The following DNAH11 variants were observed in gnomAD, a reference collection of about 807,000 sequenced individuals.
DNAH11 encodes the protein axonemal beta dynein heavy chain 11.
Under a neutral mutation model 526.0 loss-of-function variants are expected in DNAH11, and 442 were observed. The ratio of observed to expected loss-of-function variants is 0.84; its 90% CI spans 0.78 to 0.91. The LOEUF (loss-of-function observed/expected upper bound fraction) is 0.91, where lower values mean the gene tolerates loss of function less well. Among genes scored for constraint, DNAH11 ranks in the 40% least tolerant of loss-of-function variants. The pLI is 0.00. For missense variants in DNAH11, 6,989 were observed against 5,448.7 expected, an observed-to-expected ratio of 1.28 and a Z score of -8.90; for synonymous variants, 2,461 against 1,935.9, an observed-to-expected ratio of 1.27 and a Z score of -7.12.
chr7:21,839,530 A>T (rs1315010779), intron 65 of DNAH11, among the ~76,000 whole-genome samples: 1 of 151,650 alleles, frequency 6.6e-6, no homozygotes, highest in East Asian at 1.9e-4. Flanking sequence ...ATCCGAGATC[A>T]CACCACTGCA....
rs532108764 is a variant in DNAH11, at chr7:21,881,872, A to C, written c.12387+979A>C. Reference sequence around the variant, plus strand: ...AACAAATTTTAAATAAGTTGTATCCAAAATAAATGGTTTTAATATGGTATT... The same window carrying C: ...AACAAATTTTAAATAAGTTGTATCCCAAATAAATGGTTTTAATATGGTATT... On this transcript the variant is annotated intron_variant, in intron 75 of 81. Transcript: ENST00000409508. Among the ~76,000 whole-genome samples, 7 of 152,342 alleles carry C rather than the reference A, an allele frequency of 4.6e-5. No homozygotes were observed. In the South Asian group the frequency reaches 1.5e-3, roughly 32 times the overall value.
chr7:21,657,593 G>A (rs1267215169), intron 29 of DNAH11, among the ~76,000 whole-genome samples: 1 of 152,172 alleles, frequency 6.6e-6, no homozygotes, highest in Non-Finnish European at 1.5e-5. Context: ...GGATCCCAGG[G>A]TATCCAGGAG....
At chr7:21,798,451 T>C (rs1788815620) in intron 61 of DNAH11, among the ~76,000 whole-genome samples, 1 of 152,210 alleles carries the variant, frequency 6.6e-6, no homozygotes, top group South Asian at 2.1e-4. Context: ...CAGTATACCA[T>C]GTGTGATTTG....
intron 63 of DNAH11, among the ~76,000 whole-genome samples, chr7:21,810,527 A>C (rs1398973155): frequency 6.6e-6 from 1 of 152,154 alleles, no homozygotes; most frequent in Non-Finnish European, 1.5e-5. Flanking sequence ...TGAAATCAGG[A>C]GAACAGTTTT....
intron 9 of DNAH11, among the ~76,000 whole-genome samples, chr7:21,586,683 C>A (rs1376788578): frequency 6.6e-6 from 1 of 152,018 alleles, no homozygotes; most frequent in Non-Finnish European, 1.5e-5. Flanking sequence ...GAACAAAGCC[C>A]CCTCCTTTGC....
At chr7:21,846,814 A>G (rs1782439440) in intron 66 of DNAH11, among the ~76,000 whole-genome samples, 1 of 152,162 alleles carries the variant, frequency 6.6e-6, no homozygotes, top group Non-Finnish European at 1.5e-5. Context: ...CTTTTCTTCC[A>G]GTGAAATCAT....
In DNAH11 at chr7:21,743,917, C is replaced by G. The variant is rs547309800; in HGVS notation, c.8155-521C>G. On this transcript the variant is annotated intron_variant, in intron 49 of 81. Coordinates refer to ENST00000409508, the MANE Select transcript of DNAH11 (RefSeq NM_001277115.2). ...TGCCTCTCTCCATGAGGAGTGAGTG[C>G]GTGTGAATCTAAGATACTGAAAGCA... Among the ~76,000 whole-genome samples the G allele has an allele frequency of 8.5e-5, 13 of 152,226 alleles. No homozygotes were observed. In the South Asian group the frequency reaches 2.7e-3, roughly 32 times the overall value.
At chr7:21,677,547 G>A (rs1782945255) in intron 30 of DNAH11, among the ~76,000 whole-genome samples, 1 of 152,056 alleles carries the variant, frequency 6.6e-6, no homozygotes, top group Admixed American at 6.6e-5. Context: ...ATGCCTGGCT[G>A]ATATTTTTTG....
intron 30 of DNAH11, among the ~76,000 whole-genome samples, chr7:21,678,596 AT>A (rs1170598054): frequency 3.3e-5 from 5 of 151,902 alleles, no homozygotes; most frequent in African/African-American, 1.2e-4. Flanking sequence ...AAAAAAAAAA[AT>A]GGCATCAAAA....
At chr7:21,805,897 G>C (rs776299959) in intron 62 of DNAH11, among the ~76,000 whole-genome samples, 3 of 152,130 alleles carry the variant, frequency 2.0e-5, no homozygotes, top group Non-Finnish European at 4.4e-5. Context: ...AAAACATCAA[G>C]ACTGATGATT....
At chr7:21,763,353 A>AAAGAAG (rs1554278439) in intron 54 of DNAH11, among the ~76,000 whole-genome samples, 8 of 56,964 alleles carry the variant, frequency 1.4e-4, no homozygotes, top group Non-Finnish European at 2.2e-4. Context: ...AAAAAAAAAA[A>AAAGAAG]AAAGAAAAAA....
intron 18 of DNAH11, among the ~76,000 whole-genome samples, chr7:21,603,163 C>T (rs866234218): frequency 2.6e-5 from 4 of 152,274 alleles, no homozygotes; most frequent in Middle Eastern, 3.4e-3. Flanking sequence ...CAATATGTGA[C>T]CTATTTTGTT....
intron 25 of DNAH11, among the ~76,000 whole-genome samples, chr7:21,630,995 G>A (rs565281558): frequency 9.2e-5 from 14 of 152,158 alleles, no homozygotes; most frequent in East Asian, 3.9e-4. Context: ...TCCTGATAAC[G>A]ACATACCCAG....
intron 42 of DNAH11, among the ~76,000 whole-genome samples, chr7:21,716,814 A>C (rs879360426): frequency 6.6e-6 from 1 of 152,204 alleles, no homozygotes; most frequent in Non-Finnish European, 1.5e-5. Flanking sequence ...AAGTTTTGAC[A>C]GTTGACATTT....
In DNAH11 at chr7:21,745,617, A is replaced by G. The variant is rs551011403; in HGVS notation, c.8510+554A>G. Among the ~76,000 whole-genome samples the G allele has an allele frequency of 4.7e-4, 72 of 152,364 alleles. 2 individuals are homozygous for G. In the South Asian group the frequency reaches 0.014, roughly 30 times the overall value. On this transcript the variant is annotated intron_variant, in intron 51 of 81. Transcript: ENST00000409508. ...GGGACATTGTTCTAGGTGCTGAGAT[A>G]CAGCAGCAGTGAACACAATCCAGTC...
intron 74 of DNAH11, among the ~76,000 whole-genome samples, chr7:21,880,327 G>A (rs1007738887): frequency 2.0e-5 from 3 of 152,122 alleles, no homozygotes; most frequent in South Asian, 2.1e-4. Flanking sequence ...TCTCCCAACC[G>A]TAATAGCATT....
At chr7:21,614,813 T>C (rs1047736961) in intron 20 of DNAH11, among the ~76,000 whole-genome samples, 4 of 152,196 alleles carry the variant, frequency 2.6e-5, no homozygotes, top group African/African-American at 7.2e-5. Context: ...CAGCTCTCGG[T>C]ACAAAAACCA....
chr7:21,544,367 T>C (rs1782725757), intron 1 of DNAH11, among the ~76,000 whole-genome samples: 1 of 152,156 alleles, frequency 6.6e-6, no homozygotes, highest in African/African-American at 2.4e-5. Flanking sequence ...GAAGAAAGAG[T>C]AATAGGAAGG....
chr7:21,614,516 C>T (rs1447633614), intron 20 of DNAH11, among the ~76,000 whole-genome samples: 1 of 152,114 alleles, frequency 6.6e-6, no homozygotes, highest in East Asian at 1.9e-4. Flanking sequence ...AAAGAAAAAA[C>T]ATGTCAGCAT....
Sources: gnomAD v4.1 joint callset for allele counts (sites outside exome capture counted in the v4.1 genomes callset) on GRCh38, gnomAD v4.1.1 for gene constraint, MANE v1.5 for transcripts, NCBI Gene and HGNC (gene_info 2026-07-23, HGNC 2026-07-21) for gene names.